Variants in AGBL1 observed in about 807,000 individuals in gnomAD.
AGBL1 encodes the protein cytosolic carboxypeptidase 4.
Under a neutral mutation model 118.9 loss-of-function variants are expected in AGBL1, and 130 were observed. The ratio of observed to expected loss-of-function variants is 1.09; its 90% confidence interval spans 0.95 to 1.26. The LOEUF (loss-of-function observed/expected upper bound fraction) is 1.26, where lower values mean the gene tolerates loss of function less well. AGBL1 is among the 50% of genes most tolerant of loss of function. The probability of loss-of-function intolerance (pLI) is 0.00; values close to 1 mark genes in which losing one functional copy is unlikely to be tolerated. For synonymous variants in AGBL1, 555 were observed against 478.9 expected, an observed-to-expected ratio of 1.16 and a Z score of -2.08; for missense variants, 1,584 against 1,298.1, an observed-to-expected ratio of 1.22 and a Z score of -3.38.
chr15:86,541,616 A>AAG (rs1231412909), intron 19 of AGBL1, among the ~76,000 whole-genome samples: 2,206 of 96,606 alleles, frequency 0.023, 166 homozygotes, highest in East Asian at 0.059. Context: ...AAAAAAAAAA[A>AAG]AGAGAGAGAG....
At chr15:86,444,696 G>A (rs1170362745) in intron 18 of AGBL1, among the ~76,000 whole-genome samples, 1 of 152,070 alleles carries the variant, frequency 6.6e-6, no homozygotes, top group African/African-American at 2.4e-5. Context: ...GGGAGAGCGT[G>A]CTGGGAGTCA....
chr15:86,117,026 A>C (rs1396878559), intron 1 of AGBL1, among the ~76,000 whole-genome samples: 1 of 151,626 alleles, frequency 6.6e-6, no homozygotes, highest in Non-Finnish European at 1.5e-5. Context: ...TCATCATCAA[A>C]GTCTTGTTGA....
At chr15:86,140,065 C>A in intron 1 of AGBL1, 1 of 190,344 alleles carries the variant, frequency 5.3e-6, no homozygotes, top group South Asian at 1.2e-4. Context: ...CCCTGGTGGT[C>A]AGGTCTTGGT....
intron 22 of AGBL1, among the ~76,000 whole-genome samples, chr15:86,777,305 T>C (rs74025467): frequency 0.088 from 13,437 of 152,066 alleles, 925 homozygotes; most frequent in African/African-American, 0.18. Context: ...AATTACTTAC[T>C]GGTGAAATAC....
chr15:86,353,463 C>T (rs1173011391), intron 17 of AGBL1, among the ~76,000 whole-genome samples: 3 of 152,274 alleles, frequency 2.0e-5, no homozygotes, highest in African/African-American at 7.2e-5. Context: ...AAAGAGAGGA[C>T]TGTGGAGAAC....
At chr15:87,003,517 T>TCA (rs1278368861) in intron 24 of AGBL1, among the ~76,000 whole-genome samples, 2 of 152,180 alleles carry the variant, frequency 1.3e-5, no homozygotes, top group African/African-American at 4.8e-5. Flanking sequence ...GAATTCCCTC[T>TCA]TTTTCTATTA....
chr15:86,787,424 T>C (rs1162648682), intron 22 of AGBL1, among the ~76,000 whole-genome samples: 7 of 152,180 alleles, frequency 4.6e-5, no homozygotes, highest in Non-Finnish European at 1.0e-4. Context: ...TCCTCTCATT[T>C]TCCTCCCCTC....
intron 17 of AGBL1, among the ~76,000 whole-genome samples, chr15:86,351,975 T>G (rs958756209): frequency 3.3e-5 from 5 of 152,196 alleles, no homozygotes; most frequent in Non-Finnish European, 7.3e-5. Flanking sequence ...TTTATAGGAC[T>G]CCTCAGATAT....
intron 23 of AGBL1, among the ~76,000 whole-genome samples, chr15:86,983,056 C>CT (rs1364251910): frequency 6.6e-6 from 1 of 152,030 alleles, no homozygotes; most frequent in Admixed American, 6.6e-5. Flanking sequence ...ATTATCACAC[C>CT]TTTTTTTGTT....
downstream of AGBL1, among the ~76,000 whole-genome samples, chr15:86,918,501 G>A (rs1030091408): frequency 6.6e-6 from 1 of 151,372 alleles, no homozygotes; most frequent in African/African-American, 2.4e-5. Context: ...TCATGCCGCT[G>A]CACTCCAGCC....
chr15:86,427,738 A>G (rs1003569739), intron 18 of AGBL1, among the ~76,000 whole-genome samples: 4 of 152,176 alleles, frequency 2.6e-5, no homozygotes, highest in African/African-American at 9.7e-5. Flanking sequence ...GCATCCCTTA[A>G]TATAGTTAAC....
intron 21 of AGBL1, among the ~76,000 whole-genome samples, 168 bp from the exon 22 acceptor site, chr15:86,674,105 A>G (rs1376947742): frequency 6.6e-6 from 1 of 151,922 alleles, no homozygotes; most frequent in Non-Finnish European, 1.5e-5. Context: ...GAGAACCACC[A>G]CTCCACAATG....
At chr15:86,926,959 T>C (rs1409574827) in intron 23 of AGBL1, among the ~76,000 whole-genome samples, 1 of 151,682 alleles carries the variant, frequency 6.6e-6, no homozygotes, top group African/African-American at 2.4e-5. Context: ...GCCAACATAG[T>C]GTAACCCGTC....
intron 17 of AGBL1, among the ~76,000 whole-genome samples, chr15:86,334,293 C>A (rs372878369): frequency 1.3e-5 from 2 of 152,148 alleles, no homozygotes; most frequent in Admixed American, 1.3e-4. Flanking sequence ...CACAAGGCTC[C>A]TAGAACTGAT....
intron 19 of AGBL1, among the ~76,000 whole-genome samples, chr15:86,537,012 C>T (rs1456948124): frequency 1.3e-5 from 2 of 152,188 alleles, no homozygotes; most frequent in African/African-American, 2.4e-5. Flanking sequence ...TTAAAGTTCT[C>T]ATCGCAGACA....
chr15:86,094,564 T>A (rs1199604871), intron 1 of AGBL1, among the ~76,000 whole-genome samples: 4 of 152,134 alleles, frequency 2.6e-5, no homozygotes, highest in Admixed American at 1.3e-4. Flanking sequence ...GAGATTGATC[T>A]GCAATGTAGT....
intron 3 of AGBL1, 87 bp from the exon 4 acceptor site, chr15:86,154,343 A>AC: frequency 7.0e-7 from 1 of 1,433,568 alleles, no homozygotes; most frequent in African/African-American, 1.4e-5. Flanking sequence ...CTCCTCCTTC[A>AC]CCATCTTCCC....
At chr15:86,235,623 C>T (rs2078528010) in intron 6 of AGBL1, among the ~76,000 whole-genome samples, 1 of 152,214 alleles carries the variant, frequency 6.6e-6, no homozygotes, top group Non-Finnish European at 1.5e-5. Flanking sequence ...TCAAGATGTA[C>T]CTAAGGTGTT....
chr15:86,870,454 C>CAAAAAAAAAAAAAAAAAAAAA lies in AGBL1; in HGVS notation c.3159-36611_3159-36591dup, dbSNP rs770556494. On this transcript the variant is annotated intron_variant, in intron 22 of 22. Coordinates refer to ENST00000614907, the MANE Select transcript of AGBL1 (RefSeq NM_001386094.1). ...GGCAAGAAAAAAGTAAAGCATACTG[C>CAAAAAAAAAAAAAAAAAAAAA]AAAAAAAAAAAAAAAAAAAAAAAAA... is the stretch of plus-strand genomic sequence containing the variant. Among the ~76,000 whole-genome samples, 53 of 64,112 alleles carry CAAAAAAAAAAAAAAAAAAAAA rather than the reference C, an allele frequency of 8.3e-4. 10 individuals are homozygous for CAAAAAAAAAAAAAAAAAAAAA. Among genetic ancestry groups the CAAAAAAAAAAAAAAAAAAAAA allele is most frequent in the Non-Finnish European group, 1.1e-3 (39 of 36,188 alleles). The allele number at this position is 64,112 out of a possible 152,430, so 42.1% of individuals were successfully genotyped here. A position where few individuals can be genotyped will look rare whatever the true frequency, so the allele number is the denominator to read the frequency against.
Sources: gnomAD v4.1 joint callset for allele counts (sites outside exome capture counted in the v4.1 genomes callset) on GRCh38, gnomAD v4.1.1 for gene constraint, MANE v1.5 for transcripts, NCBI Gene and HGNC (gene_info 2026-07-23, HGNC 2026-07-21) for gene names.